The following APP variants were observed in gnomAD, a reference collection of about 807,000 sequenced individuals.
The protein encoded by APP is amyloid beta precursor protein, also known as amyloid-beta precursor protein.
In APP, 31 loss-of-function variants were observed where a neutral mutation model predicts 101.4. That is an observed-to-expected ratio of 0.31 (90% CI 0.23 to 0.41). The LOEUF (loss-of-function observed/expected upper bound fraction) is 0.41, where lower values mean the gene tolerates loss of function less well. Ranked by LOEUF, APP falls within the 10% of genes least tolerant of loss-of-function variation. The probability of loss-of-function intolerance (pLI) is 1.00; values close to 1 mark genes in which losing one functional copy is unlikely to be tolerated. For synonymous variants in APP, 366 were observed against 364.4 expected, an observed-to-expected ratio of 1.00 and a Z score of -0.05; for missense variants, 839 against 1,003.7, an observed-to-expected ratio of 0.84 and a Z score of 2.22.
chr21:25,886,964 C>T (rs776094928), intron 17 of APP, among the ~76,000 whole-genome samples: 1 of 151,922 alleles, frequency 6.6e-6, no homozygotes, highest in African/African-American at 2.4e-5. Context: ...AAGTCATATG[C>T]CATACCTCCA....
intron 5 of APP, among the ~76,000 whole-genome samples, chr21:26,025,266 GA>G (rs1263387523): frequency 6.6e-6 from 1 of 152,346 alleles, no homozygotes; most frequent in East Asian, 1.9e-4. Context: ...ATCAAAGAAA[GA>G]TGACCTGATG....
intron 1 of APP, among the ~76,000 whole-genome samples, chr21:26,166,429 T>G (rs2146397517): frequency 6.6e-6 from 1 of 152,302 alleles, no homozygotes; most frequent in Non-Finnish European, 1.5e-5. Context: ...CATTTGCATC[T>G]GAGCTCTCAC....
rs184095783 is a variant in APP at position 25,961,032 on chromosome 21, A to G, written c.1459-5277T>C. Among the ~76,000 whole-genome samples the G allele has an allele frequency of 1.7e-3, 254 of 152,316 alleles. 8 individuals carry two copies. In the East Asian group the frequency reaches 0.044, roughly 26 times the overall value. The stretch of plus-strand genomic sequence containing the variant: ...AAGAAAAAACACAGGTGTAAAAAGA[A>G]AATAATTCTTGGGGCCCCCAAATCA... On this transcript the variant is annotated intron_variant, in intron 11 of 17. Transcript: ENST00000346798.
chr21:26,002,846 C>T (rs58301529), intron 6 of APP, among the ~76,000 whole-genome samples: 5,919 of 152,210 alleles, frequency 0.039, 406 homozygotes, highest in African/African-American at 0.13. Context: ...TCGCAGTGAA[C>T]ATCACAGCTC....
chr21:26,170,548 G>C lies in APP; in HGVS notation c.57+16C>G. 2 of 1,537,246 alleles carry C rather than the reference G, an allele frequency of 1.3e-6. No homozygotes were observed. Among genetic ancestry groups the C allele is most frequent in the Non-Finnish European group, 1.7e-6 (2 of 1,146,048 alleles). On this transcript the variant is annotated intron_variant, in intron 1 of 17. Coordinates refer to ENST00000346798, the MANE Select transcript of APP (RefSeq NM_000484.4). ...ACCGTGCAGCCTCCCCCCGCCTTCC[G>C]AGGCGCGGCACCCACCTCCAGCGCC...
intron 8 of APP, among the ~76,000 whole-genome samples, chr21:25,993,890 A>C (rs1601143711): frequency 6.6e-6 from 1 of 152,228 alleles, no homozygotes; most frequent in South Asian, 2.1e-4. Context: ...CCTAGGACAG[A>C]CTCCTAAAAA....
chr21:25,897,690 T>C lies in APP; in HGVS notation c.1964-17A>G. 1 of 1,591,000 alleles carries C rather than the reference T, an allele frequency of 6.3e-7. No individual in the cohort carries two copies. The highest frequency in any genetic ancestry group is 2.2e-5 in the East Asian group (1 of 44,746). ...ACCCAGAACCTGTATTACATCATAA[T>C]TAAAGTATGCAGGACAACCAATTAG... On this transcript the variant is annotated splice_polypyrimidine_tract_variant and intron_variant, in intron 15 of 17. Transcript: ENST00000346798.
At chr21:26,110,370 C>T (rs1372770086) in intron 2 of APP, among the ~76,000 whole-genome samples, 1 of 151,948 alleles carries the variant, frequency 6.6e-6, no homozygotes, top group Non-Finnish European at 1.5e-5. Flanking sequence ...CATTTATACC[C>T]GGGAGGTGGA....
At chr21:25,956,383 G>A (rs535023770) in intron 11 of APP, among the ~76,000 whole-genome samples, 23 of 152,174 alleles carry the variant, frequency 1.5e-4, no homozygotes, top group Non-Finnish European at 2.6e-4. Context: ...ATTACATTTC[G>A]TCTTAAGTGC....
chr21:26,061,970 C>G (rs950160779), intron 3 of APP, among the ~76,000 whole-genome samples: 1 of 152,018 alleles, frequency 6.6e-6, no homozygotes, highest in Non-Finnish European at 1.5e-5. Flanking sequence ...AATCCCAGCA[C>G]TTTGGGAGGC....
chr21:25,895,386 G>C (rs998602901), intron 16 of APP, among the ~76,000 whole-genome samples: 1 of 151,990 alleles, frequency 6.6e-6, no homozygotes, highest in African/African-American at 2.4e-5. Context: ...GGATGCTCTC[G>C]ACCTCCTGAC....
intron 1 of APP, among the ~76,000 whole-genome samples, chr21:26,132,154 T>A (rs537345035): frequency 6.6e-6 from 1 of 152,182 alleles, no homozygotes; most frequent in Non-Finnish European, 1.5e-5. Context: ...AGTTCAAGGC[T>A]GTAGTTTGCT....
intron 14 of APP, among the ~76,000 whole-genome samples, chr21:25,911,305 A>G (rs1299152431): frequency 1.3e-5 from 2 of 152,262 alleles, no homozygotes; most frequent in African/African-American, 2.4e-5. Context: ...TTCCTTGTGA[A>G]GAACTGCCTC....
At chr21:26,152,310 G>A (rs2063294968) in intron 1 of APP, among the ~76,000 whole-genome samples, 1 of 103,954 alleles carries the variant, frequency 9.6e-6, no homozygotes, top group Non-Finnish European at 1.9e-5. Flanking sequence ...AAAAAAAATG[G>A]GCCAAGGATC....
Position 26,035,459 on chromosome 21 carries a change from G to A in APP, c.663-13417C>T, listed in dbSNP as rs578235351. Among the ~76,000 whole-genome samples, 5 of 152,238 alleles carry A rather than the reference G, an allele frequency of 3.3e-5. No individual in the cohort carries two copies. The South Asian group carries it at 6.2e-4, about 19-fold the overall frequency. ...AAAGAGAGGCATGGGGTGATACTGCGGAGGTAGGGAGGAGCTGGGTCAAAT... is the reference window on the plus strand; with the variant it reads ...AAAGAGAGGCATGGGGTGATACTGCAGAGGTAGGGAGGAGCTGGGTCAAAT... On this transcript the variant is annotated intron_variant, in intron 5 of 17. Coordinates refer to ENST00000346798, the MANE Select transcript of APP (RefSeq NM_000484.4).
At chr21:25,881,863 CTCT>C (rs1339396555) in intron 17 of APP, 92 bp from the exon 18 acceptor site, 12 of 1,298,398 alleles carry the variant, frequency 9.2e-6, no homozygotes, top group African/African-American at 1.5e-5. Flanking sequence ...GAGTACAGTA[CTCT>C]TCTTTTGCCA....
At chr21:25,898,787 C>G (rs1227914037) in intron 15 of APP, among the ~76,000 whole-genome samples, 2 of 152,170 alleles carry the variant, frequency 1.3e-5, no homozygotes, top group Admixed American at 6.5e-5. Flanking sequence ...CCTGCTGGTT[C>G]TTGTCTTACT....
intron 16 of APP, among the ~76,000 whole-genome samples, chr21:25,894,289 T>C (rs1377472639): frequency 6.6e-6 from 1 of 152,210 alleles, no homozygotes; most frequent in Admixed American, 6.5e-5. Flanking sequence ...TTTCAAGTCT[T>C]ATTATTTCAG....
intron 1 of APP, among the ~76,000 whole-genome samples, chr21:26,159,715 AAT>A (rs2063452066): frequency 6.6e-6 from 1 of 152,196 alleles, no homozygotes; most frequent in South Asian, 2.1e-4. Context: ...ACAAGACACT[AAT>A]ATTTTTTTCT....
Sources: allele counts gnomAD v4.1 joint callset (sites outside exome capture counted in the v4.1 genomes callset), GRCh38; gene constraint gnomAD v4.1.1; transcripts MANE v1.5; gene names NCBI Gene and HGNC (gene_info 2026-07-23, HGNC 2026-07-21).